Variants in NAV1 observed in about 807,000 individuals in gnomAD.
NAV1 encodes pore membrane and/or filament interacting like protein 3.
In NAV1, 18 loss-of-function variants were observed where a neutral mutation model predicts 175.2. The ratio of observed to expected loss-of-function variants is 0.10; its 90% CI spans 0.07 to 0.15. NAV1 has a LOEUF of 0.15. Ranked by LOEUF, NAV1 falls within the 10% of genes least tolerant of loss-of-function variation. NAV1 has a pLI of 1.00. For synonymous variants in NAV1, 897 were observed against 978.7 expected, an observed-to-expected ratio of 0.92 and a Z score of 1.56; for missense variants, 1,731 against 2,436.6, an observed-to-expected ratio of 0.71 and a Z score of 6.10.
chr1:201,633,981 G>A (rs1299913197), intron 2 of NAV1, among the ~76,000 whole-genome samples: 1 of 152,174 alleles, frequency 6.6e-6, no homozygotes, highest in Admixed American at 6.5e-5. Context: ...TGTAGCAGCA[G>A]CCGACACTTA....
chr1:201,749,519 C>T (rs776633071), intron 3 of NAV1, among the ~76,000 whole-genome samples: 4 of 152,240 alleles, frequency 2.6e-5, no homozygotes, highest in East Asian at 3.8e-4. Context: ...CTCAAATGTG[C>T]CTGCATCCTT....
exon 1 of NAV1, chr1:201,648,333 G>A (rs1669048522): frequency 3.4e-6 from 4 of 1,174,906 alleles, no homozygotes; most frequent in Non-Finnish European, 4.2e-6. Flanking sequence ...GAGCCGCGGG[G>A]CTTCCATCCT....
At position 201,782,473 on chromosome 1, in the gene NAV1, G is replaced by A; in HGVS notation, c.1961G>A (p.Ser654Asn). The change falls in exon 6 of 30, where the codon AGT (serine) becomes AAT (asparagine). Residue 654 changes from serine (S) to asparagine (N), a missense_variant. By Grantham distance (46) the Ser-to-Asn change is conservative. Coordinates refer to ENST00000367296, the Ensembl canonical transcript of NAV1. This position sits in a 1 kb window ranked among gnomAD's most constrained non-coding sequence, Gnocchi z 5.4. ...AAGACTAGCTTAGATGTTTCCAACA[G>A]TGCAGAGCCAGGATTCCTGGCTCCT... 6.2e-7 allele frequency: 1 copy of A among 1,613,696 alleles called. No homozygotes were observed. Among genetic ancestry groups the A allele is most frequent in the South Asian group, 1.1e-5 (1 of 91,086 alleles).
intron 2 of NAV1, among the ~76,000 whole-genome samples, chr1:201,643,205 C>CCTTCCCTTCCTTCT (rs1398986537): frequency 1.4e-5 from 2 of 143,974 alleles, no homozygotes; most frequent in Non-Finnish European, 3.0e-5. Context: ...CTTCCTCCTT[C>CCTTCCCTTCCTTCT]CTTCCCTTCC....
intron 2 of NAV1, among the ~76,000 whole-genome samples, chr1:201,600,540 C>T (rs932127361): frequency 3.9e-5 from 6 of 152,070 alleles, no homozygotes; most frequent in Non-Finnish European, 7.3e-5. Context: ...GCAAATGTAC[C>T]GTGGTTATGT....
intron 1 of NAV1, among the ~76,000 whole-genome samples, chr1:201,701,345 T>C (rs965877134): frequency 1.3e-4 from 20 of 151,290 alleles, no homozygotes; most frequent in Non-Finnish European, 1.0e-4. Flanking sequence ...CAAACCAACA[T>C]AGCACATGTA....
upstream of NAV1, among the ~76,000 whole-genome samples, chr1:201,648,057 C>T (rs1046394840): frequency 6.6e-6 from 1 of 151,600 alleles, no homozygotes; most frequent in Admixed American, 6.6e-5. Context: ...ATACCTCCCC[C>T]TCCCGAGCCA....
intron 2 of NAV1, among the ~76,000 whole-genome samples, chr1:201,599,855 GA>G (rs1182265484): frequency 6.6e-6 from 1 of 152,100 alleles, no homozygotes; most frequent in East Asian, 1.9e-4. Flanking sequence ...GTTTGAGGGG[GA>G]AAAAACAACA....
rs925583423 is a variant in NAV1 at position 201,787,371 on chromosome 1, C to G, written c.2995+794C>G. ...GTAAAAGAAATCAGTTAATAAAAGA[C>G]AAGGACCTGTAACACACCCATGCAG... is the stretch of plus-strand genomic sequence containing the variant. On this transcript the variant is annotated intron_variant, in intron 9 of 29. Coordinates refer to ENST00000367296, the Ensembl canonical transcript of NAV1. The surrounding 1 kb of genome is among the most constrained non-coding windows in gnomAD (Gnocchi z 4.3). 6.6e-6 allele frequency among the ~76,000 whole-genome samples: 1 copy of G among 152,156 alleles called. No individual in the cohort carries two copies. Among genetic ancestry groups the G allele is most frequent in the Non-Finnish European group, 1.5e-5 (1 of 68,038 alleles).
At chr1:201,763,544 A>C (rs1423180501) in intron 3 of NAV1, among the ~76,000 whole-genome samples, 1 of 152,198 alleles carries the variant, frequency 6.6e-6, no homozygotes, top group Non-Finnish European at 1.5e-5. Flanking sequence ...CAAAAAGGGA[A>C]ATCTCTGAAA....
At chr1:201,657,032 G>T (rs1357061530) in intron 1 of NAV1, among the ~76,000 whole-genome samples, 2 of 152,182 alleles carry the variant, frequency 1.3e-5, no homozygotes, top group African/African-American at 2.4e-5. Context: ...CTGTCATGGG[G>T]TCTAGGATTC....
intron 1 of NAV1, among the ~76,000 whole-genome samples, chr1:201,664,234 C>T (rs543692547): frequency 1.9e-4 from 29 of 152,172 alleles, no homozygotes; most frequent in African/African-American, 6.5e-4. Flanking sequence ...CCCAGCTACT[C>T]GGGAGGCTGA....
chr1:201,810,390 T>C lies in NAV1; in HGVS notation c.4562-133T>C. ...TTCAAAACTAGGGGTTAAGGGACTC[T>C]TATGGAACCATGGGGCAAGTGGCTC... On this transcript the variant is annotated intron_variant, in intron 23 of 29. Coordinates refer to ENST00000367296, the Ensembl canonical transcript of NAV1. The surrounding 1 kb of genome is among the most constrained non-coding windows in gnomAD (Gnocchi z 6.0). 1 of 901,632 alleles carries C rather than the reference T, an allele frequency of 1.1e-6. No homozygotes were observed. Among genetic ancestry groups the C allele is most frequent in the Non-Finnish European group, 1.7e-6 (1 of 597,666 alleles). The allele number at this position is 901,632 out of a possible 1,614,324, so 55.9% of individuals were successfully genotyped here.
chr1:201,619,239 A>G (rs1022344474), upstream of NAV1, among the ~76,000 whole-genome samples: 3 of 152,248 alleles, frequency 2.0e-5, no homozygotes, highest in Admixed American at 2.0e-4. Flanking sequence ...CAGCCTCCTC[A>G]GCCTTAGGGC....
chr1:201,734,474 G>GA (rs1673008342), intron 3 of NAV1, among the ~76,000 whole-genome samples: 1 of 120,824 alleles, frequency 8.3e-6, no homozygotes, highest in South Asian at 2.7e-4. Context: ...GGAGGAAGAG[G>GA]AGGAGGAGGA....
chr1:201,568,103 G>A (rs1267136659), intron 1 of NAV1, among the ~76,000 whole-genome samples: 8 of 152,126 alleles, frequency 5.3e-5, no homozygotes, highest in African/African-American at 9.7e-5. Context: ...ATTGGAGTGC[G>A]GGCATCCTGG....
At chr1:201,568,810 C>T (rs1289336859) in intron 1 of NAV1, among the ~76,000 whole-genome samples, 3 of 152,064 alleles carry the variant, frequency 2.0e-5, no homozygotes, top group Non-Finnish European at 4.4e-5. Context: ...GGCTGCTCAC[C>T]GACTCCCTCT....
At chr1:201,744,512 T>G (rs1673646488) in intron 3 of NAV1, among the ~76,000 whole-genome samples, 1 of 152,094 alleles carries the variant, frequency 6.6e-6, no homozygotes, top group African/African-American at 2.4e-5. Flanking sequence ...GCCAATACTT[T>G]AAATATATTA....
At chr1:201,767,564 A>G (rs1196086705) in intron 3 of NAV1, among the ~76,000 whole-genome samples, 1 of 152,260 alleles carries the variant, frequency 6.6e-6, no homozygotes, top group Non-Finnish European at 1.5e-5. Flanking sequence ...TATAGAAATT[A>G]TCAAGATAAT....
Sources: allele counts gnomAD v4.1 joint callset (sites outside exome capture counted in the v4.1 genomes callset), GRCh38; gene constraint gnomAD v4.1.1; non-coding constraint Gnocchi (gnomAD v3.1); transcripts MANE v1.5; gene names NCBI Gene and HGNC (gene_info 2026-07-23, HGNC 2026-07-21).